Variants in ADGRG6 observed in about 807,000 individuals in gnomAD.
ADGRG6 encodes G-protein coupled receptor 126.
In ADGRG6, 84 loss-of-function variants were observed where a neutral mutation model predicts 142.4. That is an observed-to-expected ratio of 0.59 (90% CI 0.49 to 0.71). The LOEUF (loss-of-function observed/expected upper bound fraction) is 0.71, where lower values mean the gene tolerates loss of function less well. ADGRG6 is among the 30% of genes least tolerant of loss of function. The probability of loss-of-function intolerance (pLI) is 0.00; values close to 1 mark genes in which losing one functional copy is unlikely to be tolerated. For synonymous variants in ADGRG6, 521 were observed against 520.5 expected (o/e 1.00, Z -0.01); for missense variants, 1,367 against 1,466.6 (o/e 0.93, Z 1.11).
At chr6:142,413,899 T>TCACACACA (rs112923600) in intron 18 of ADGRG6, among the ~76,000 whole-genome samples, 10,305 of 141,332 alleles carry the variant, frequency 0.073, 416 homozygotes, top group African/African-American at 0.095. Flanking sequence ...CATTTCTTTA[T>TCACACACA]CACACACACA....
chr6:142,401,847 G>A, intron 11 of ADGRG6, 147 bp from the exon 12 acceptor site: 2 of 535,258 alleles, frequency 3.7e-6, no homozygotes, highest in Non-Finnish European at 6.7e-6. Flanking sequence ...AATTAAAATG[G>A]AAAGAGTGAG....
intron 2 of ADGRG6, among the ~76,000 whole-genome samples, chr6:142,348,424 G>A (rs1780007158): frequency 6.6e-6 from 1 of 151,522 alleles, no homozygotes; most frequent in Non-Finnish European, 1.5e-5. Context: ...TATTTATATT[G>A]GTAAAAAAAA....
intron 2 of ADGRG6, among the ~76,000 whole-genome samples, chr6:142,340,943 T>G (rs1353958163): frequency 1.3e-5 from 2 of 152,110 alleles, no homozygotes; most frequent in African/African-American, 4.8e-5. Flanking sequence ...GTTGTGGCAC[T>G]TTTAACTTGC....
intron 2 of ADGRG6, among the ~76,000 whole-genome samples, chr6:142,314,631 T>C (rs1777933882): frequency 6.6e-6 from 1 of 152,190 alleles, no homozygotes. Context: ...AGTACAAATT[T>C]TGTTGCATTG....
chr6:142,310,608 A>T (rs558525243), intron 2 of ADGRG6, among the ~76,000 whole-genome samples: 1 of 151,954 alleles, frequency 6.6e-6, no homozygotes, highest in East Asian at 1.9e-4. Flanking sequence ...ACGCATCAAG[A>T]AATTAAACTT....
In ADGRG6 at chr6:142,370,354, A is replaced by G. The variant is rs775814318; in HGVS notation, c.630A>G (p.Thr210=). Residue 210 remains threonine, a synonymous_variant, in exon 4 of 25, where the codon ACA becomes ACG. Transcript: ENST00000367609. ...TCTCCTACTCAAATGCATCCTTCAC[A>G]CAATTGCTCAGTTTTGGAAAGGCCA... ...TAFSYSNASF[T]QLLSFGKAKS... is the part of the protein sequence containing the mutation. 1.9e-6 allele frequency: 3 copies of G among 1,613,654 alleles called. No individual in the cohort carries two copies. The highest frequency in any genetic ancestry group is 2.2e-5 in the East Asian group (1 of 44,856).
intron 2 of ADGRG6, among the ~76,000 whole-genome samples, chr6:142,364,006 A>AC (rs1780833586): frequency 1.4e-5 from 2 of 147,412 alleles, no homozygotes; most frequent in Non-Finnish European, 3.0e-5. Flanking sequence ...AATTGTGGCA[A>AC]CTTTTTTTTT....
At chr6:142,352,091 G>A (rs1026826317) in intron 2 of ADGRG6, among the ~76,000 whole-genome samples, 2 of 152,016 alleles carry the variant, frequency 1.3e-5, no homozygotes, top group African/African-American at 4.8e-5. Flanking sequence ...AACTACCATT[G>A]GACCCACCAG....
chr6:142,316,676 C>T (rs1053390314), intron 2 of ADGRG6, among the ~76,000 whole-genome samples: 6 of 152,064 alleles, frequency 3.9e-5, no homozygotes, highest in Admixed American at 2.0e-4. Flanking sequence ...AATAGTTTAG[C>T]TGTATCACTG....
intron 10 of ADGRG6, among the ~76,000 whole-genome samples, chr6:142,399,902 TAGAG>T (rs1775413364): frequency 6.6e-6 from 1 of 152,202 alleles, no homozygotes; most frequent in African/African-American, 2.4e-5. Flanking sequence ...GAGGCTTACT[TAGAG>T]AGTCGTCAAA....
At chr6:142,336,791 T>A (rs993629942) in intron 2 of ADGRG6, among the ~76,000 whole-genome samples, 1 of 152,176 alleles carries the variant, frequency 6.6e-6, no homozygotes, top group African/African-American at 2.4e-5. Context: ...CAAACTGAGT[T>A]TGTGAGAGAT....
chr6:142,345,929 GA>G (rs958959985), intron 2 of ADGRG6, among the ~76,000 whole-genome samples: 2 of 152,194 alleles, frequency 1.3e-5, no homozygotes, highest in Non-Finnish European at 2.9e-5. Context: ...TTATTTTAAG[GA>G]AAAAACATTA....
At chr6:142,400,656 T>C in intron 11 of ADGRG6, 60 bp downstream of exon 11, 1 of 837,238 alleles carries the variant, frequency 1.2e-6, no homozygotes, top group Non-Finnish European at 2.1e-6. Context: ...CCCAGGGTTA[T>C]ACGTGCAGCA....
chr6:142,394,562 T>C (rs538014883), intron 9 of ADGRG6, among the ~76,000 whole-genome samples: 1 of 151,868 alleles, frequency 6.6e-6, no homozygotes, highest in South Asian at 2.1e-4. Context: ...ATTCAGGTCA[T>C]GTATTGCATC....
Position 142,381,943 on chromosome 6 carries a change from T to G in ADGRG6, c.1070-8T>G. The G allele has an allele frequency of 6.4e-7, 1 of 1,559,546 alleles. No homozygotes were observed. The highest frequency in any genetic ancestry group is 8.8e-7 in the Non-Finnish European group (1 of 1,138,278). ...TCAAACTTACATATTCTTTTTGTGT[T>G]GATCAAGGTTCCTACCTGATCCCGC... On this transcript the variant is annotated splice_polypyrimidine_tract_variant and splice_region_variant and intron_variant, in intron 4 of 24. Coordinates refer to ENST00000367609, the MANE Select transcript of ADGRG6 (RefSeq NM_198569.3).
chr6:142,408,114 T>C, intron 15 of ADGRG6, 36 bp from the exon 16 acceptor site: 2 of 1,504,370 alleles, frequency 1.3e-6, no homozygotes, highest in Non-Finnish European at 8.9e-7. Flanking sequence ...AAAGTGTACT[T>C]CTGACTGATA....
chr6:142,394,229 C>G (rs973692186), intron 9 of ADGRG6, among the ~76,000 whole-genome samples: 3 of 152,128 alleles, frequency 2.0e-5, no homozygotes, highest in Non-Finnish European at 4.4e-5. Context: ...GTTTATTTAT[C>G]ATAACCCATT....
At chr6:142,415,715 A>G in intron 19 of ADGRG6, 81 bp from the exon 20 acceptor site, 1 of 924,702 alleles carries the variant, frequency 1.1e-6, no homozygotes, top group Non-Finnish European at 1.7e-6. Flanking sequence ...GTTGTATAAG[A>G]TACGAATTTA....
intron 4 of ADGRG6, among the ~76,000 whole-genome samples, chr6:142,379,820 T>G (rs1422379225): frequency 6.6e-6 from 1 of 152,168 alleles, no homozygotes; most frequent in East Asian, 1.9e-4. Context: ...CCAAAATATC[T>G]GAGACAGGTT....
Sources: gnomAD v4.1 joint callset for allele counts (sites outside exome capture counted in the v4.1 genomes callset) on GRCh38, gnomAD v4.1.1 for gene constraint, MANE v1.5 for transcripts, NCBI Gene and HGNC (gene_info 2026-07-23, HGNC 2026-07-21) for gene names.